Variants in VTA1 observed in about 807,000 individuals in gnomAD.
The protein encoded by VTA1 is vacuolar protein sorting-associated protein VTA1 homolog.
Under a neutral mutation model 36.9 loss-of-function variants are expected in VTA1, and 24 were observed. That is an observed-to-expected ratio of 0.65 (90% CI 0.47 to 0.91). The LOEUF (loss-of-function observed/expected upper bound fraction) is 0.91, where lower values mean the gene tolerates loss of function less well. VTA1 is among the 40% of genes least tolerant of loss of function. The probability of loss-of-function intolerance (pLI) is 0.00; values close to 1 mark genes in which losing one functional copy is unlikely to be tolerated. For missense variants in VTA1, 393 were observed against 377.2 expected, an observed-to-expected ratio of 1.04 and a Z score of -0.35; for synonymous variants, 142 against 130.2, an observed-to-expected ratio of 1.09 and a Z score of -0.62.
Position 142,165,339 on chromosome 6 carries a change from T to C in VTA1, c.113-889T>C, listed in dbSNP as rs538393707. The stretch of plus-strand genomic sequence containing the variant: ...CTCAAAATGAAACAGGCACAGAGAC[T>C]ATGACCCAAGAATCTCACCTCTTGG... On this transcript the variant is annotated intron_variant, in intron 1 of 7. Coordinates refer to ENST00000367630, the MANE Select transcript of VTA1 (RefSeq NM_016485.5). Among the ~76,000 whole-genome samples, 27 of 152,280 alleles carry C rather than the reference T, an allele frequency of 1.8e-4. No homozygotes were observed. In the South Asian group the frequency reaches 5.4e-3, roughly 30 times the overall value.
intron 1 of VTA1, among the ~76,000 whole-genome samples, chr6:142,162,685 T>C (rs1047458086): frequency 3.3e-5 from 5 of 152,298 alleles, no homozygotes; most frequent in East Asian, 1.9e-4. Flanking sequence ...GTTGGGTTTA[T>C]GTATGAGTAT....
At chr6:142,196,013 G>A (rs1775544339) in intron 5 of VTA1, among the ~76,000 whole-genome samples, 1 of 152,052 alleles carries the variant, frequency 6.6e-6, no homozygotes. Context: ...TATTGCTTAT[G>A]ATGTTCTCTG....
At chr6:142,159,323 C>T (rs1332712436) in intron 1 of VTA1, among the ~76,000 whole-genome samples, 1 of 151,806 alleles carries the variant, frequency 6.6e-6, no homozygotes, top group Non-Finnish European at 1.5e-5. Flanking sequence ...GAGATTGTGC[C>T]ACTGCACTCC....
chr6:142,147,398 C>T lies in VTA1; in HGVS notation c.111C>T (p.Tyr37=), dbSNP rs1778468969. The stretch of plus-strand genomic sequence containing the variant: ...AGCGAGACCCTGTGGTGGCTTATTA[C>T]TGTGAGTCTTTCCGAGTGGCCGCGC... ...HDKRDPVVAY[Y]CRLYAMQTGM... The change falls in exon 1 of 8, where the codon TAC becomes TAT. Residue 37 remains tyrosine (Y), a splice_region_variant and synonymous_variant. Transcript: ENST00000367630. 5.6e-6 allele frequency: 9 copies of T among 1,613,786 alleles called. No individual in the cohort carries two copies. The East Asian group carries it at 1.1e-4, about 20-fold the overall frequency.
At chr6:142,206,740 G>A (rs1048258552) in intron 7 of VTA1, among the ~76,000 whole-genome samples, 1 of 152,092 alleles carries the variant, frequency 6.6e-6, no homozygotes, top group Admixed American at 6.6e-5. Context: ...ACTGGCAGAA[G>A]AACAGACAAA....
rs1448584236 is a variant in VTA1, at chr6:142,223,478, G to A, written c.*4835G>A. The stretch of plus-strand genomic sequence containing the variant: ...GATACGGACTGAAAATATAAAATTA[G>A]CAATAATGTTTATTATTAGATACTT... On this transcript the variant is annotated 3_prime_UTR_variant, in exon 8 of 8. Coordinates refer to ENST00000367630, the MANE Select transcript of VTA1 (RefSeq NM_016485.5). The A allele has an allele frequency of 6.6e-6, 1 of 152,040 alleles. No homozygotes were observed. Among genetic ancestry groups the A allele is most frequent in the Non-Finnish European group, 1.5e-5 (1 of 68,024 alleles). The allele number at this position is 152,040 out of a possible 1,614,324, so 9.4% of individuals were successfully genotyped here. A position where few individuals can be genotyped will look rare whatever the true frequency, so the allele number is the denominator to read the frequency against.
In VTA1 at chr6:142,178,269, A is replaced by G. The variant is rs150729385; in HGVS notation, c.411+7848A>G. On this transcript the variant is annotated intron_variant, in intron 4 of 7. Coordinates refer to ENST00000367630, the MANE Select transcript of VTA1 (RefSeq NM_016485.5). Reference sequence around the variant, plus strand: ...TTTTTAAAAAATTGGAGGCTGGAGGATAATAAAATGACATATTTAAAGGGC... The same window carrying G: ...TTTTTAAAAAATTGGAGGCTGGAGGGTAATAAAATGACATATTTAAAGGGC... Among the ~76,000 whole-genome samples, 984 of 152,254 alleles carry G rather than the reference A, an allele frequency of 6.5e-3. 7 individuals carry two copies. The highest frequency in any genetic ancestry group is 8.6e-3 in the Non-Finnish European group (587 of 67,962).
intron 4 of VTA1, among the ~76,000 whole-genome samples, chr6:142,172,537 C>T (rs116920687): frequency 9.5e-4 from 145 of 152,296 alleles, no homozygotes; most frequent in Non-Finnish European, 1.8e-3. Flanking sequence ...AGAACTGATA[C>T]CCGGAGTGTG....
chr6:142,187,936 G>A (rs1775374267), intron 4 of VTA1, among the ~76,000 whole-genome samples: 1 of 130,382 alleles, frequency 7.7e-6, no homozygotes, highest in East Asian at 2.0e-4. Flanking sequence ...TTTTTGGCCG[G>A]GAGGAGGTCC....
At chr6:142,202,035 AC>A (rs1775695528) in intron 6 of VTA1, among the ~76,000 whole-genome samples, 2 of 152,040 alleles carry the variant, frequency 1.3e-5, no homozygotes, top group African/African-American at 4.8e-5. Context: ...TAGTAGATTT[AC>A]CTTGTTTTTT....
chr6:142,224,542 T>A lies in VTA1; in HGVS notation c.*5899T>A. On this transcript the variant is annotated 3_prime_UTR_variant, in exon 8 of 8. Transcript: ENST00000367630. ...GTGTCTCCCTCATTAGATGCTAAGT[T>A]CCTTGATATTTTATACATTTGTGAA... The A allele has an allele frequency of 6.6e-6, 1 of 152,206 alleles. No homozygotes were observed. Among genetic ancestry groups the A allele is most frequent in the Non-Finnish European group, 1.5e-5 (1 of 68,048 alleles). 9.4% of individuals were successfully genotyped at this position (152,206 alleles called of 1,614,324 possible).
intron 5 of VTA1, among the ~76,000 whole-genome samples, chr6:142,192,062 G>A (rs1254484988): frequency 6.6e-6 from 1 of 152,002 alleles, no homozygotes; most frequent in Non-Finnish European, 1.5e-5. Flanking sequence ...ACAATACTAT[G>A]TATTAAGTTC....
chr6:142,204,158 G>T, intron 7 of VTA1, 93 bp downstream of exon 7: 1 of 1,099,978 alleles, frequency 9.1e-7, no homozygotes, highest in Non-Finnish European at 1.4e-6. Flanking sequence ...ATATTTAAAT[G>T]TTGTTACTGA....
At chr6:142,190,417 C>G (rs1039428312) in intron 5 of VTA1, among the ~76,000 whole-genome samples, 29 of 152,156 alleles carry the variant, frequency 1.9e-4, no homozygotes, top group Admixed American at 6.5e-4. Flanking sequence ...AATATACATA[C>G]TGTTCTGTAC....
chr6:142,186,184 A>G (rs944618010), intron 4 of VTA1, among the ~76,000 whole-genome samples: 2 of 152,082 alleles, frequency 1.3e-5, no homozygotes. Context: ...TGAGGAAGAA[A>G]AAAGACAATA....
intron 1 of VTA1, among the ~76,000 whole-genome samples, chr6:142,164,764 T>A (rs1774882516): frequency 6.6e-6 from 1 of 152,138 alleles, no homozygotes; most frequent in South Asian, 2.1e-4. Context: ...CTTAATATAT[T>A]ATAATGAATG....
rs780421290 is a variant in VTA1, at chr6:142,218,584, A to G, written c.865A>G (p.Ser289Gly). ...CAGTGCTTTGCAGTATGAAGATGTA[A>G]GCACTGCTGTCCAGAATCTACAAAA... The part of the protein sequence containing the change: ...AGSALQYEDV[S>G]TAVQNLQKAL... The change falls in exon 8 of 8, where the codon AGC becomes GGC. Residue 289 changes from serine to glycine, a missense_variant. Physicochemically the swap from Ser to Gly is moderately conservative, Grantham distance 56 (BLOSUM62 0). Transcript: ENST00000367630. The G allele has an allele frequency of 2.3e-5, 37 of 1,613,478 alleles. No homozygotes were observed. Among genetic ancestry groups the G allele is most frequent in the Non-Finnish European group, 3.0e-5 (35 of 1,179,762 alleles).
intron 7 of VTA1, among the ~76,000 whole-genome samples, chr6:142,215,502 A>T (rs1287846748): frequency 6.6e-6 from 1 of 152,132 alleles, no homozygotes; most frequent in African/African-American, 2.4e-5. Flanking sequence ...TTAGCACAGC[A>T]CTTGACATAA....
chr6:142,196,665 G>A (rs1775557633), intron 5 of VTA1, among the ~76,000 whole-genome samples: 1 of 151,662 alleles, frequency 6.6e-6, no homozygotes, highest in African/African-American at 2.4e-5. Flanking sequence ...ATTTATTGTA[G>A]CTGCTTTAAA....
Sources: gnomAD v4.1 joint callset for allele counts (sites outside exome capture counted in the v4.1 genomes callset) on GRCh38, gnomAD v4.1.1 for gene constraint, MANE v1.5 for transcripts, NCBI Gene and HGNC (gene_info 2026-07-23, HGNC 2026-07-21) for gene names.